Variants in CPNE5 observed in about 807,000 individuals in gnomAD.
The protein encoded by CPNE5 is copine-5.
CPNE5 carries 42 observed loss-of-function variants against 81.1 expected under a neutral mutation model. That is an observed-to-expected ratio of 0.52 (90% CI 0.40 to 0.67). The LOEUF (loss-of-function observed/expected upper bound fraction) is 0.67. CPNE5 is among the 30% of genes least tolerant of loss of function. CPNE5 has a pLI of 0.00. For synonymous variants in CPNE5, 313 were observed against 321.5 expected, an observed-to-expected ratio of 0.97 and a Z score of 0.28; for missense variants, 612 against 815.5, an observed-to-expected ratio of 0.75 and a Z score of 3.04.
intron 14 of CPNE5, 85 bp downstream of exon 14, chr6:36,752,949 G>A: frequency 8.8e-7 from 1 of 1,141,916 alleles, no homozygotes; most frequent in Non-Finnish European, 1.3e-6. Flanking sequence ...GAAGAGGCCA[G>A]GGTGGGGCCA....
intron 7 of CPNE5, among the ~76,000 whole-genome samples, chr6:36,794,268 C>T (rs747323581): frequency 1.3e-4 from 19 of 151,890 alleles, no homozygotes; most frequent in Non-Finnish European, 1.6e-4. Context: ...AGGAAGGGAA[C>T]AGAGAGTGCC....
rs1451821340 is a variant in CPNE5, at chr6:36,821,712, C to G, written c.183+402G>C. On this transcript the variant is annotated intron_variant, in intron 3 of 20. Transcript: ENST00000244751. Reference sequence around the variant, plus strand: ...AACAAAGTTTTCTGAGCAGGGAAATCACCTCACTGAAGCCACGCTCACCTT... The same window carrying G: ...AACAAAGTTTTCTGAGCAGGGAAATGACCTCACTGAAGCCACGCTCACCTT... Among the ~76,000 whole-genome samples, 6 of 152,174 alleles carry G rather than the reference C, an allele frequency of 3.9e-5. No homozygotes were observed. In the East Asian group the frequency reaches 1.2e-3, roughly 29 times the overall value.
chr6:36,795,939 GTATTT>G (rs139886823), intron 6 of CPNE5, among the ~76,000 whole-genome samples: 9,575 of 151,888 alleles, frequency 0.063, 364 homozygotes, highest in East Asian at 0.12. Context: ...GTCAACCTCT[GTATTT>G]TATTTTATTT....
chr6:36,764,623 C>T (rs559553429), intron 11 of CPNE5, among the ~76,000 whole-genome samples: 7 of 152,218 alleles, frequency 4.6e-5, no homozygotes, highest in South Asian at 4.1e-4. Context: ...ACTGAAGCTT[C>T]GAGAGGCCTG....
Position 36,829,866 on chromosome 6 carries a change from AAAAT to A in CPNE5, c.96-6772_96-6769del, listed in dbSNP as rs1216815757. On this transcript the variant is annotated intron_variant, in intron 1 of 20. Transcript: ENST00000244751. ...TAGGAATTGCAAAAAAAAAAAAAAA[AAAAT>A]ACCCAACAGGAATCCTGATGGTCCC... Among the ~76,000 whole-genome samples the A allele has an allele frequency of 6.9e-4, 83 of 120,118 alleles. 4 individuals are homozygous for A. The highest frequency in any genetic ancestry group is 2.6e-3 in the East Asian group (8 of 3,080). The allele number at this position is 120,118 out of a possible 152,430, so 78.8% of individuals were successfully genotyped here.
chr6:36,773,999 G>A (rs1767275052), intron 10 of CPNE5, among the ~76,000 whole-genome samples: 1 of 151,776 alleles, frequency 6.6e-6, no homozygotes, highest in Non-Finnish European at 1.5e-5. Context: ...CCAGGAGGTG[G>A]AAGCTGCAGT....
At chr6:36,751,801 TAAATA>T (rs145461492) in intron 14 of CPNE5, among the ~76,000 whole-genome samples, 11,436 of 151,088 alleles carry the variant, frequency 0.076, 499 homozygotes, top group Middle Eastern at 0.11. Flanking sequence ...TCTCAAAAAA[TAAATA>T]AAATAAAATA....
intron 9 of CPNE5, among the ~76,000 whole-genome samples, chr6:36,777,928 C>T (rs758843113): frequency 3.2e-4 from 48 of 152,166 alleles, no homozygotes; most frequent in Non-Finnish European, 6.3e-4. Context: ...ATGGCAGGGA[C>T]CCATTTTCTT....
At chr6:36,748,164 A>G in intron 15 of CPNE5, 57 bp downstream of exon 15, 1 of 1,511,126 alleles carries the variant, frequency 6.6e-7, no homozygotes, top group Non-Finnish European at 9.2e-7. Context: ...GCCAGATGCC[A>G]CAGCCCTTAA....
At chr6:36,797,957 T>C (rs1769742734) in intron 6 of CPNE5, among the ~76,000 whole-genome samples, 1 of 152,088 alleles carries the variant, frequency 6.6e-6, no homozygotes, top group Non-Finnish European at 1.5e-5. Flanking sequence ...TCCCAGGAGA[T>C]GGGACTCTAA....
At chr6:36,812,412 T>C (rs985740422) in intron 3 of CPNE5, among the ~76,000 whole-genome samples, 1 of 152,154 alleles carries the variant, frequency 6.6e-6, no homozygotes, top group Admixed American at 6.5e-5. Flanking sequence ...TGGTACTGTT[T>C]AATAATAAAA....
intron 3 of CPNE5, among the ~76,000 whole-genome samples, chr6:36,801,268 A>G (rs550505734): frequency 6.6e-6 from 1 of 152,322 alleles, no homozygotes; most frequent in South Asian, 2.1e-4. Context: ...GGTAAAATAC[A>G]GATTGTGGAG....
chr6:36,827,763 G>A (rs918261078), intron 1 of CPNE5: 12 of 985,192 alleles, frequency 1.2e-5, no homozygotes, highest in South Asian at 9.4e-5. Context: ...CCGCCCTGAC[G>A]AAGGGCCCGA....
chr6:36,748,045 C>T (rs192036590), intron 15 of CPNE5, among the ~76,000 whole-genome samples, 176 bp downstream of exon 15: 8 of 152,336 alleles, frequency 5.3e-5, no homozygotes, highest in Non-Finnish European at 8.8e-5. Context: ...ATGGTCCAAC[C>T]TGGGGATACT....
chr6:36,757,641 G>C (rs182199466), intron 12 of CPNE5, among the ~76,000 whole-genome samples: 62 of 152,206 alleles, frequency 4.1e-4, no homozygotes, highest in African/African-American at 1.3e-3. Context: ...ATGTTGGAGA[G>C]AGAAGATATG....
chr6:36,779,629 C>T (rs4714010), intron 8 of CPNE5, among the ~76,000 whole-genome samples: 60,510 of 152,032 alleles, frequency 0.4, 12,240 homozygotes, highest in Non-Finnish European at 0.43. Context: ...GCCAAAGGCT[C>T]AGAGCAGGGA....
rs1290942098 is a variant in CPNE5 at position 36,774,953 on chromosome 6, C to T, written c.737+8G>A. On this transcript the variant is annotated splice_region_variant and intron_variant, in intron 10 of 20. Transcript: ENST00000244751. ...AAGGAAAAAAGAAGGGACATTTTCT[C>T]ATCTCACCGATCGTAGTCGCCGTTG... 4 of 1,608,106 alleles carry T rather than the reference C, an allele frequency of 2.5e-6. No individual in the cohort carries two copies. The African/African-American group carries it at 5.3e-5, about 21-fold the overall frequency.
At position 36,822,105 on chromosome 6, in the gene CPNE5, T is replaced by C. The variant is rs1772102976; in HGVS notation, c.183+9A>G. 2.0e-6 allele frequency: 3 copies of C among 1,535,478 alleles called. No individual in the cohort carries two copies. The highest frequency in any genetic ancestry group is 2.4e-5 in the East Asian group (1 of 41,180). On this transcript the variant is annotated intron_variant, in intron 3 of 20. Coordinates refer to ENST00000244751, the MANE Select transcript of CPNE5 (RefSeq NM_020939.2). Reference sequence around the variant, plus strand: ...TGGTGTTTCTGGTGTGGGAAGGAGCTGCACCTACCTCCCGCCACTGCTTGT... The same window carrying C: ...TGGTGTTTCTGGTGTGGGAAGGAGCCGCACCTACCTCCCGCCACTGCTTGT...
At chr6:36,759,524 T>C (rs1180733237) in intron 12 of CPNE5, among the ~76,000 whole-genome samples, 1 of 151,468 alleles carries the variant, frequency 6.6e-6, no homozygotes, top group Non-Finnish European at 1.5e-5. Flanking sequence ...GATGCAGCAG[T>C]AAGTGCAACA....
Sources: gnomAD v4.1 joint callset for allele counts (sites outside exome capture counted in the v4.1 genomes callset) on GRCh38, gnomAD v4.1.1 for gene constraint, MANE v1.5 for transcripts, NCBI Gene and HGNC (gene_info 2026-07-23, HGNC 2026-07-21) for gene names.